HCN1: variants seen among roughly 807,000 people sequenced by gnomAD.
HCN1 encodes potassium/sodium hyperpolarization-activated cyclic nucleotide-gated channel 1.
HCN1 carries 13 observed loss-of-function variants against 78.9 expected under a neutral mutation model. That is an observed-to-expected ratio of 0.16 (90% CI 0.11 to 0.26). HCN1 has a LOEUF of 0.26. Ranked by LOEUF, HCN1 falls within the 10% of genes least tolerant of loss-of-function variation. The pLI is 1.00. For synonymous variants in HCN1, 552 were observed against 455.5 expected, an observed-to-expected ratio of 1.21 and a Z score of -2.70; for missense variants, 810 against 1,154.3, an observed-to-expected ratio of 0.70 and a Z score of 4.32.
intron 2 of HCN1, among the ~76,000 whole-genome samples, chr5:45,637,469 C>CT (rs1231501188): frequency 6.6e-6 from 1 of 151,564 alleles, no homozygotes; most frequent in Admixed American, 6.6e-5. Context: ...TGCAGGAAAG[C>CT]TATGATATCT....
At chr5:45,331,989 G>T (rs1451906470) in intron 5 of HCN1, among the ~76,000 whole-genome samples, 1 of 151,430 alleles carries the variant, frequency 6.6e-6, no homozygotes, top group East Asian at 1.9e-4. Flanking sequence ...AAGTCAACTG[G>T]GGGGATATTT....
intron 4 of HCN1, among the ~76,000 whole-genome samples, chr5:45,385,676 CT>C (rs1747895137): frequency 6.6e-6 from 1 of 152,086 alleles, no homozygotes; most frequent in Non-Finnish European, 1.5e-5. Context: ...TCCCATTTGT[CT>C]TTAAATACTT....
chr5:45,646,961 T>TTAGAC (rs1276622675), intron 1 of HCN1, among the ~76,000 whole-genome samples: 1 of 152,210 alleles, frequency 6.6e-6, no homozygotes, highest in Non-Finnish European at 1.5e-5. Context: ...ATACTCCTAC[T>TTAGAC]TAGACTATTT....
chr5:45,300,838 C>A (rs941467618), intron 6 of HCN1, among the ~76,000 whole-genome samples: 1 of 152,094 alleles, frequency 6.6e-6, no homozygotes, highest in African/African-American at 2.4e-5. Context: ...CTGTTAGATT[C>A]ATAGCTTTTC....
intron 2 of HCN1, among the ~76,000 whole-genome samples, chr5:45,607,945 C>T (rs28822375): frequency 1.7e-3 from 257 of 151,720 alleles, no homozygotes; most frequent in African/African-American, 5.9e-3. Flanking sequence ...CTCTAATTAG[C>T]CACAGATCTG....
intron 2 of HCN1, among the ~76,000 whole-genome samples, chr5:45,477,494 A>C (rs918186369): frequency 2.6e-4 from 39 of 152,184 alleles, no homozygotes; most frequent in African/African-American, 9.4e-4. Context: ...GGAAAAAAAT[A>C]GCTCATAGTT....
intron 2 of HCN1, among the ~76,000 whole-genome samples, chr5:45,566,234 T>C (rs1258479542): frequency 1.3e-5 from 2 of 152,184 alleles, no homozygotes. Flanking sequence ...TTAAACTCTA[T>C]AACTGGTTGT....
chr5:45,358,469 T>G (rs2111988681), intron 4 of HCN1, among the ~76,000 whole-genome samples: 1 of 152,154 alleles, frequency 6.6e-6, no homozygotes, highest in African/African-American at 2.4e-5. Flanking sequence ...AATTTTCCAT[T>G]TCTCTGCATC....
In HCN1 at chr5:45,469,253, C is replaced by T. The variant is rs549007790; in HGVS notation, c.850-7246G>A. On this transcript the variant is annotated intron_variant, in intron 2 of 7. Transcript: ENST00000303230. ...TTAATTGTACCATGCCCAGGAAAAA[C>T]GAAAGAGCAAGCATAACCTCATATG... Among the ~76,000 whole-genome samples the T allele has an allele frequency of 6.6e-5, 10 of 151,840 alleles. No individual in the cohort carries two copies. The South Asian group carries it at 1.0e-3, about 16-fold the overall frequency.
chr5:45,502,648 T>C (rs548469074), intron 2 of HCN1, among the ~76,000 whole-genome samples: 1 of 152,274 alleles, frequency 6.6e-6, no homozygotes, highest in East Asian at 1.9e-4. Context: ...AGAGTAATAA[T>C]AGCAGCTACC....
chr5:45,287,732 T>A (rs1013654426), intron 6 of HCN1, among the ~76,000 whole-genome samples: 5 of 151,970 alleles, frequency 3.3e-5, no homozygotes, highest in African/African-American at 7.2e-5. Context: ...TGATATAGAG[T>A]CATTTTCATT....
intron 6 of HCN1, among the ~76,000 whole-genome samples, chr5:45,286,246 CATT>C (rs1364795572): frequency 6.6e-6 from 1 of 151,766 alleles, no homozygotes; most frequent in Non-Finnish European, 1.5e-5. Context: ...TAAGTGCAAA[CATT>C]ATATCCTTTC....
At chr5:45,389,450 T>C (rs1747995605) in intron 4 of HCN1, among the ~76,000 whole-genome samples, 1 of 152,160 alleles carries the variant, frequency 6.6e-6, no homozygotes, top group South Asian at 2.1e-4. Flanking sequence ...TAGTGCTTTC[T>C]ATGAATCATT....
intron 3 of HCN1, among the ~76,000 whole-genome samples, chr5:45,423,703 C>G (rs564653361): frequency 6.6e-6 from 1 of 152,268 alleles, no homozygotes; most frequent in African/African-American, 2.4e-5. Context: ...ATCATCTGCT[C>G]TCAACTCACT....
intron 6 of HCN1, among the ~76,000 whole-genome samples, chr5:45,295,207 A>G (rs1320587859): frequency 1.3e-5 from 2 of 152,012 alleles, no homozygotes; most frequent in East Asian, 1.9e-4. Context: ...TAGAACTCCC[A>G]GGTAATCCAC....
At chr5:45,369,818 C>A (rs1407140468) in intron 4 of HCN1, among the ~76,000 whole-genome samples, 1 of 151,910 alleles carries the variant, frequency 6.6e-6, no homozygotes, top group Non-Finnish European at 1.5e-5. Flanking sequence ...GGATCATGAG[C>A]ATAAAGAAAT....
intron 3 of HCN1, among the ~76,000 whole-genome samples, chr5:45,438,312 G>C (rs769878023): frequency 6.6e-6 from 1 of 152,264 alleles, no homozygotes; most frequent in East Asian, 1.9e-4. Context: ...ATGTTAAAGA[G>C]CTCTTGAGGT....
At chr5:45,346,645 C>T (rs1044579710) in intron 5 of HCN1, among the ~76,000 whole-genome samples, 5 of 152,274 alleles carry the variant, frequency 3.3e-5, no homozygotes, top group East Asian at 1.9e-4. Flanking sequence ...CCTGGAAAAT[C>T]GGGTCACTCC....
intron 3 of HCN1, among the ~76,000 whole-genome samples, chr5:45,403,760 C>G (rs1463490828): frequency 6.6e-6 from 1 of 152,112 alleles, no homozygotes; most frequent in Non-Finnish European, 1.5e-5. Flanking sequence ...AAAATGTTAT[C>G]CTTATAAGCA....
Sources: gnomAD v4.1 joint callset for allele counts (sites outside exome capture counted in the v4.1 genomes callset) on GRCh38, gnomAD v4.1.1 for gene constraint, MANE v1.5 for transcripts, NCBI Gene and HGNC (gene_info 2026-07-23, HGNC 2026-07-21) for gene names.